The following ABCC3 variants were observed in gnomAD, a reference collection of about 807,000 sequenced individuals.
ABCC3 encodes ATP binding cassette subfamily C member 3, also known as ATP-binding cassette sub-family C member 3.
Under a neutral mutation model 165.3 loss-of-function variants are expected in ABCC3, and 121 were observed. The observed-to-expected ratio is 0.73, with a 90% confidence interval of 0.63 to 0.85. The LOEUF is 0.85. ABCC3 is among the 40% of genes least tolerant of loss of function. The pLI is 0.00. For missense variants in ABCC3, 1,869 were observed against 1,964.1 expected, an observed-to-expected ratio of 0.95 and a Z score of 0.92; for synonymous variants, 733 against 810.1, an observed-to-expected ratio of 0.90 and a Z score of 1.62.
intron 7 of ABCC3, among the ~76,000 whole-genome samples, chr17:50,660,234 G>C (rs1316511687): frequency 6.6e-6 from 1 of 152,148 alleles, no homozygotes. Context: ...ATCTTCCCCT[G>C]AGGGGTCTTC....
At position 50,655,816 on chromosome 17, in the gene ABCC3, TTC is replaced by T. The variant is rs1326940493; in HGVS notation, c.46-12_46-11del. 1.9e-6 allele frequency: 3 copies of T among 1,613,216 alleles called. No individual in the cohort carries two copies. Among genetic ancestry groups the T allele is most frequent in the Admixed American group, 1.7e-5 (1 of 59,982 alleles). On this transcript the variant is annotated splice_polypyrimidine_tract_variant and intron_variant, in intron 1 of 30. Coordinates refer to ENST00000285238, the MANE Select transcript of ABCC3 (RefSeq NM_003786.4). ...GTGGGGCTGCCACAGCACTAAACTG[TTC>T]TCTGTGTCCCCAGGACTCCAACCTG...
chr17:50,669,400 C>T lies in ABCC3; in HGVS notation c.2113C>T (p.Leu705Phe). 3 of 1,614,262 alleles carry T rather than the reference C, an allele frequency of 1.9e-6. No homozygotes were observed. Among genetic ancestry groups the T allele is most frequent in the Non-Finnish European group, 2.5e-6 (3 of 1,180,048 alleles). ...PQQAWIQNCT[L>F]QENVLFGKAL... is the part of the protein sequence containing the mutation. ...GCAGGCATGGATCCAGAACTGCACT[C>T]TTCAGGAAAACGTGCTTTTCGGCAA... Residue 705 changes from leucine (L) to phenylalanine (F), a missense_variant, in exon 17 of 31, where the codon CTT (leucine) becomes TTT (phenylalanine). By Grantham distance (22) the Leu-to-Phe change is conservative (BLOSUM62 0). Coordinates refer to ENST00000285238, the MANE Select transcript of ABCC3 (RefSeq NM_003786.4).
At position 50,676,341 on chromosome 17, in the gene ABCC3, T is replaced by C; in HGVS notation, c.3131T>C (p.Leu1044Ser). ...AAGGIQAARV[L>S]HQALLHNKIR... ...GGTGGCATCCAGGCTGCCCGTGTGT[T>C]GCACCAGGCACTGCTGCACAACAAG... Residue 1044 changes from leucine (L) to serine (S), a missense_variant, in exon 23 of 31, where the codon TTG becomes TCG. Leu to Ser is a moderately radical substitution (Grantham distance 145). Coordinates refer to ENST00000285238, the MANE Select transcript of ABCC3 (RefSeq NM_003786.4). 6.2e-7 allele frequency: 1 copy of C among 1,614,210 alleles called. No homozygotes were observed. The highest frequency in any genetic ancestry group is 8.5e-7 in the Non-Finnish European group (1 of 1,180,024).
At chr17:50,660,879 C>G (rs944803260) in intron 7 of ABCC3, 44 bp from the exon 8 acceptor site, 1 of 1,534,246 alleles carries the variant, frequency 6.5e-7, no homozygotes, top group Non-Finnish European at 8.8e-7. Context: ...TCCTGGAGCC[C>G]CTGTCCCCAT....
In ABCC3 at chr17:50,673,055, G is replaced by A; in HGVS notation, c.2326G>A (p.Asp776Asn). 6.2e-7 allele frequency: 1 copy of A among 1,614,152 alleles called. No individual in the cohort carries two copies. Residue 776 changes from aspartate to asparagine, a missense_variant, in exon 18 of 31, where the codon GAC becomes AAC. Coordinates refer to ENST00000285238, the MANE Select transcript of ABCC3 (RefSeq NM_003786.4). Reference sequence around the variant, plus strand: ...TGATGCCGATATTTTCTTGCTGGATGACCCACTGTCCGCGGTGGACTCTCA... The same window carrying A: ...TGATGCCGATATTTTCTTGCTGGATAACCCACTGTCCGCGGTGGACTCTCA... ...YSDADIFLLDDPLSAVDSHVA... is the reference protein window; with the variant it reads ...YSDADIFLLDNPLSAVDSHVA...
intron 1 of ABCC3, among the ~76,000 whole-genome samples, chr17:50,654,637 G>C (rs771146262): frequency 8.5e-5 from 13 of 152,176 alleles, no homozygotes; most frequent in African/African-American, 3.1e-4. Flanking sequence ...AATCCACCCA[G>C]TGAGGTACAG....
chr17:50,641,051 C>T (rs1237891735), intron 1 of ABCC3, among the ~76,000 whole-genome samples: 3 of 152,188 alleles, frequency 2.0e-5, no homozygotes, highest in Admixed American at 2.0e-4. Context: ...CTGGGGCCCC[C>T]AGGGCTTGGG....
intron 1 of ABCC3, among the ~76,000 whole-genome samples, chr17:50,638,313 G>A (rs181447418): frequency 6.6e-6 from 1 of 152,220 alleles, no homozygotes; most frequent in Admixed American, 6.5e-5. Context: ...AACACCTGTT[G>A]GCAGAATTAG....
intron 5 of ABCC3, 75 bp from the exon 6 acceptor site, chr17:50,658,360 C>T (rs1344112445): frequency 5.1e-6 from 8 of 1,580,168 alleles, no homozygotes; most frequent in Non-Finnish European, 5.2e-6. Context: ...ACAAGGGTCC[C>T]CTCCATTTCC....
At chr17:50,643,946 G>T (rs1966940292) in intron 1 of ABCC3, among the ~76,000 whole-genome samples, 1 of 152,152 alleles carries the variant, frequency 6.6e-6, no homozygotes, top group Non-Finnish European at 1.5e-5. Flanking sequence ...GCACAAAGCT[G>T]TATTTTGGGA....
intron 17 of ABCC3, among the ~76,000 whole-genome samples, chr17:50,671,702 C>CTTTTTTTTTTTTTTTTTTTT (rs386386244): frequency 1.8e-5 from 1 of 56,372 alleles, no homozygotes; most frequent in Non-Finnish European, 3.5e-5. Context: ...TCCTTCCTTC[C>CTTTTTTTTTTTTTTTTTTTT]TTTTTTTTTT....
chr17:50,687,456 G>T, intron 29 of ABCC3, 80 bp from the exon 30 acceptor site: 1 of 1,401,056 alleles, frequency 7.1e-7, no homozygotes, highest in Middle Eastern at 1.9e-4. Context: ...GGCCACTGAG[G>T]AGTGAAACAG....
Position 50,656,703 on chromosome 17 carries a change from T to C in ABCC3, c.224T>C (p.Val75Ala). The C allele has an allele frequency of 6.2e-7, 1 of 1,611,782 alleles. No individual in the cohort carries two copies. Among genetic ancestry groups the C allele is most frequent in the Non-Finnish European group, 8.5e-7 (1 of 1,179,026 alleles). Residue 75 changes from valine (V) to alanine (A), a missense_variant and splice_region_variant, in exon 3 of 31, where the codon GTC becomes GCC. By Grantham distance (64) the Val-to-Ala change is moderately conservative. Coordinates refer to ENST00000285238, the MANE Select transcript of ABCC3 (RefSeq NM_003786.4). ...TTCCAACCTGTGCTCTCTTCGCAGGTCCTGGGTGTCCTGCTGTGGTGCGTC... is the reference window on the plus strand; with the variant it reads ...TTCCAACCTGTGCTCTCTTCGCAGGCCCTGGGTGTCCTGCTGTGGTGCGTC... ...ILSHLSKLKM[V>A]LGVLLWCVSW...
rs756354185 is a variant in ABCC3, at chr17:50,637,823, G to GT, written c.45+2843dup. ...AAGAAAAATGGGGTTAGAAGAAAAT[G>GT]TCAGACGTGGGAAGACCTGCAGGGA... On this transcript the variant is annotated intron_variant, in intron 1 of 30. Transcript: ENST00000285238. Among the ~76,000 whole-genome samples the GT allele has an allele frequency of 5.9e-5, 9 of 152,386 alleles. 1 individual carries two copies. Among genetic ancestry groups the GT allele is most frequent in the African/African-American group, 1.2e-4 (5 of 41,586 alleles).
chr17:50,655,401 T>A (rs1967208277), intron 1 of ABCC3, among the ~76,000 whole-genome samples: 1 of 48,572 alleles, frequency 2.1e-5, no homozygotes, highest in Non-Finnish European at 4.4e-5. Context: ...TGAGACTCTG[T>A]CTCAAAAAAA....
At chr17:50,687,218 T>G in intron 29 of ABCC3, 3 of 357,922 alleles carry the variant, frequency 8.4e-6, no homozygotes, top group Non-Finnish European at 1.5e-5. Flanking sequence ...GCTGATAGAG[T>G]GAAGCAGAGA....
intron 1 of ABCC3, among the ~76,000 whole-genome samples, chr17:50,651,396 C>T (rs1967113414): frequency 6.6e-6 from 1 of 152,154 alleles, no homozygotes; most frequent in South Asian, 2.1e-4. Flanking sequence ...TTCCCTCCTC[C>T]TCAACTTTCT....
At chr17:50,666,766 T>A (rs950588145) in intron 11 of ABCC3, among the ~76,000 whole-genome samples, 3 of 152,214 alleles carry the variant, frequency 2.0e-5, no homozygotes, top group Non-Finnish European at 2.9e-5. Flanking sequence ...AGGGGTTGAA[T>A]GAATACATTA....
rs1338197166 is a variant in ABCC3 at position 50,675,446 on chromosome 17, T to C, written c.2684T>C (p.Val895Ala). 6.2e-7 allele frequency: 1 copy of C among 1,613,854 alleles called. No homozygotes were observed. Residue 895 changes from valine (V) to alanine (A), a missense_variant, in exon 20 of 31, where the codon GTC becomes GCC. Coordinates refer to ENST00000285238, the MANE Select transcript of ABCC3 (RefSeq NM_003786.4). ...ACGGATCTGACAGACAATGATCCAGTCACCTATGTGGTCCAGAAGCAGTTT... is the reference window on the plus strand; with the variant it reads ...ACGGATCTGACAGACAATGATCCAGCCACCTATGTGGTCCAGAAGCAGTTT... Reference protein sequence around the residue: ...NHTDLTDNDPVTYVVQKQFMR... With the variant: ...NHTDLTDNDPATYVVQKQFMR...
Sources: gnomAD v4.1 joint callset for allele counts (sites outside exome capture counted in the v4.1 genomes callset) on GRCh38, gnomAD v4.1.1 for gene constraint, MANE v1.5 for transcripts, NCBI Gene and HGNC (gene_info 2026-07-23, HGNC 2026-07-21) for gene names.